Variants in FAM133B observed in about 807,000 individuals in gnomAD.
FAM133B encodes protein FAM133B.
In FAM133B, 25 loss-of-function variants were observed where a neutral mutation model predicts 46.4. That is an observed-to-expected ratio of 0.54 (90% CI 0.39 to 0.75). The LOEUF (loss-of-function observed/expected upper bound fraction) is 0.75, where lower values mean the gene tolerates loss of function less well. FAM133B is among the 30% of genes least tolerant of loss of function. FAM133B has a pLI of 0.00. For synonymous variants in FAM133B, 75 were observed against 86.0 expected, an observed-to-expected ratio of 0.87 and a Z score of 0.71; for missense variants, 205 against 277.6, an observed-to-expected ratio of 0.74 and a Z score of 1.86.
At chr7:92,567,938 A>G (rs1794412200) in intron 9 of FAM133B, among the ~76,000 whole-genome samples, 1 of 151,334 alleles carries the variant, frequency 6.6e-6, no homozygotes, top group African/African-American at 2.4e-5. Context: ...TAATTTTTGT[A>G]TTTTTAGTAG....
At chr7:92,585,433 C>G (rs977924462) in intron 1 of FAM133B, 6 of 893,450 alleles carry the variant, frequency 6.7e-6, no homozygotes, top group African/African-American at 1.8e-5. Context: ...ATTGTAAAAA[C>G]TGTTTATTTC....
At chr7:92,587,639 T>C (rs1306032553) in intron 1 of FAM133B, among the ~76,000 whole-genome samples, 1 of 152,044 alleles carries the variant, frequency 6.6e-6, no homozygotes, top group Non-Finnish European at 1.5e-5. Context: ...GAGGCTGACG[T>C]GAGAGCATCC....
In FAM133B at chr7:92,578,196, A is replaced by G; in HGVS notation, c.277-14T>C. 1 of 1,611,920 alleles carries G rather than the reference A, an allele frequency of 6.2e-7. No individual in the cohort carries two copies. The highest frequency in any genetic ancestry group is 8.5e-7 in the Non-Finnish European group (1 of 1,179,074). On this transcript the variant is annotated splice_polypyrimidine_tract_variant and intron_variant, in intron 4 of 10. Transcript: ENST00000445716. ...TTTTTTCTTTCTCTAAATGGAAACAAAAGTACAAGTCTAAATAAGCTGATG... is the reference window on the plus strand; with the variant it reads ...TTTTTTCTTTCTCTAAATGGAAACAGAAGTACAAGTCTAAATAAGCTGATG...
At chr7:92,573,420 G>A (rs1400206156) in intron 8 of FAM133B, among the ~76,000 whole-genome samples, 2 of 150,122 alleles carry the variant, frequency 1.3e-5, no homozygotes, top group African/African-American at 2.5e-5. Flanking sequence ...CTCCCAAAGT[G>A]TTCGGATTAT....
intron 1 of FAM133B, chr7:92,585,464 A>G: frequency 1.6e-6 from 1 of 615,116 alleles, no homozygotes; most frequent in Non-Finnish European, 2.0e-6. Flanking sequence ...AAATATACAC[A>G]TATCAAGGAT....
At chr7:92,579,230 C>T (rs1314333349) in intron 3 of FAM133B, 87 bp downstream of exon 3, 9 of 1,148,350 alleles carry the variant, frequency 7.8e-6, no homozygotes, top group Middle Eastern at 2.9e-4. Flanking sequence ...CCTCCCGTTT[C>T]GGCCTCCCAA....
rs765273913 is a variant in FAM133B at position 92,586,058 on chromosome 7, C to T, written c.24+4210G>A. Among the ~76,000 whole-genome samples the T allele has an allele frequency of 7.9e-5, 12 of 152,160 alleles. 1 individual carries two copies. Among genetic ancestry groups the T allele is most frequent in the Non-Finnish European group, 1.6e-4 (11 of 68,006 alleles). On this transcript the variant is annotated intron_variant, in intron 1 of 10. Transcript: ENST00000445716. ...TAATATTTTTACATCTTACTGTGTA[C>T]TATCAAACTGCTTTCATAAAGTACA... is the stretch of plus-strand genomic sequence containing the variant.
intron 10 of FAM133B, chr7:92,565,472 T>TAC (rs1794316856): frequency 7.0e-6 from 1 of 143,608 alleles, no homozygotes; most frequent in Non-Finnish European, 1.5e-5. Flanking sequence ...TATATATATA[T>TAC]ATGTTTTTTG....
chr7:92,570,685 T>C (rs150513795), intron 8 of FAM133B, among the ~76,000 whole-genome samples: 75 of 152,252 alleles, frequency 4.9e-4, no homozygotes, highest in African/African-American at 1.7e-3. Flanking sequence ...AAATTCAGAA[T>C]GTACAACTTT....
chr7:92,590,042 G>A (rs991120497), intron 1 of FAM133B: 2 of 614,764 alleles, frequency 3.3e-6, no homozygotes, highest in South Asian at 2.0e-5. Context: ...AGAGCGACGA[G>A]GTGAGGGAAG....
At chr7:92,582,121 C>T (rs538915856) in intron 1 of FAM133B, among the ~76,000 whole-genome samples, 194 of 152,132 alleles carry the variant, frequency 1.3e-3, no homozygotes, top group African/African-American at 4.3e-3. Flanking sequence ...TGGTGGCACA[C>T]GCCTGTAATC....
chr7:92,566,812 T>TA (rs1340556682), intron 9 of FAM133B, among the ~76,000 whole-genome samples: 1 of 152,248 alleles, frequency 6.6e-6, no homozygotes. Flanking sequence ...GGTAGCTCTA[T>TA]ATTCAGTGTA....
chr7:92,565,888 C>A, intron 10 of FAM133B, 126 bp downstream of exon 10: 1 of 1,006,558 alleles, frequency 9.9e-7, no homozygotes, highest in South Asian at 1.4e-5. Flanking sequence ...CTGCTGAACA[C>A]ACCACACCTT....
At chr7:92,562,395 T>C in intron 10 of FAM133B, 27 bp from the exon 11 acceptor site, 2 of 1,518,692 alleles carry the variant, frequency 1.3e-6, no homozygotes, top group Non-Finnish European at 1.8e-6. Flanking sequence ...ATGTTAGACA[T>C]TACTATATAA....
chr7:92,589,148 C>A (rs1460964178), intron 1 of FAM133B, among the ~76,000 whole-genome samples: 2 of 152,216 alleles, frequency 1.3e-5, no homozygotes, highest in African/African-American at 4.8e-5. Context: ...ATTCGTTTTA[C>A]GTGCATTTTC....
At position 92,576,656 on chromosome 7, in the gene FAM133B, G is replaced by T. The variant is rs1038458835; in HGVS notation, c.465+447C>A. ...CTCAGGAATCAACACTTTTTTCCGA[G>T]AACTTCTTAACTTTTTTCTGACCAG... On this transcript the variant is annotated intron_variant, in intron 7 of 10. Coordinates refer to ENST00000445716, the MANE Select transcript of FAM133B (RefSeq NM_152789.4). Among the ~76,000 whole-genome samples the T allele has an allele frequency of 2.0e-5, 3 of 152,144 alleles. No individual in the cohort carries two copies. The East Asian group carries it at 5.8e-4, about 29-fold the overall frequency.
chr7:92,574,404 G>C (rs1420004852), intron 8 of FAM133B, among the ~76,000 whole-genome samples: 1 of 152,178 alleles, frequency 6.6e-6, no homozygotes, highest in East Asian at 1.9e-4. Context: ...GAGGTTACTA[G>C]AGAATGAGGG....
chr7:92,587,080 G>C (rs1484049121), intron 1 of FAM133B, among the ~76,000 whole-genome samples: 2 of 151,770 alleles, frequency 1.3e-5, no homozygotes, highest in Non-Finnish European at 2.9e-5. Flanking sequence ...GCACAAGTGT[G>C]GAGGTATATG....
chr7:92,578,213 A>G, intron 4 of FAM133B, 31 bp from the exon 5 acceptor site: 1 of 1,610,984 alleles, frequency 6.2e-7, no homozygotes, highest in East Asian at 2.2e-5. Context: ...AAGTCTAAAT[A>G]AGCTGATGTG....
Sources: allele counts gnomAD v4.1 joint callset (sites outside exome capture counted in the v4.1 genomes callset), GRCh38; gene constraint gnomAD v4.1.1; transcripts MANE v1.5; gene names NCBI Gene and HGNC (gene_info 2026-07-23, HGNC 2026-07-21).